The following SYCE2 variants were observed in gnomAD, a reference collection of about 807,000 sequenced individuals.
SYCE2 encodes synaptonemal complex central element protein 2, also known as central element synaptonemal complex 1.
SYCE2 carries 3 observed loss-of-function variants against 27.9 expected under a neutral mutation model. The observed-to-expected ratio is 0.11, with a 90% confidence interval of 0.05 to 0.28. The LOEUF (loss-of-function observed/expected upper bound fraction) is 0.28, where lower values mean the gene tolerates loss of function less well. Ranked by LOEUF, SYCE2 falls within the 10% of genes least tolerant of loss-of-function variation. The pLI is 1.00. For synonymous variants in SYCE2, 85 were observed against 100.7 expected, an observed-to-expected ratio of 0.84 and a Z score of 0.93; for missense variants, 207 against 263.5, an observed-to-expected ratio of 0.79 and a Z score of 1.48.
At chr19:12,909,121 C>T (rs1388053974) in intron 2 of SYCE2, among the ~76,000 whole-genome samples, 1 of 152,226 alleles carries the variant, frequency 6.6e-6, no homozygotes, top group African/African-American at 2.4e-5. Context: ...TGGCCTCCCA[C>T]TGTAGTCTGC....
At chr19:12,909,172 C>T (rs1207257017) in intron 2 of SYCE2, among the ~76,000 whole-genome samples, 1 of 152,182 alleles carries the variant, frequency 6.6e-6, no homozygotes, top group East Asian at 1.9e-4. Context: ...ATCTTCAGTA[C>T]TTACCCCTCA....
chr19:12,907,086 G>A (rs1039911484), intron 2 of SYCE2, among the ~76,000 whole-genome samples: 1 of 152,046 alleles, frequency 6.6e-6, no homozygotes, highest in African/African-American at 2.4e-5. Flanking sequence ...ATCAGTTAGC[G>A]GTTCTGGCCA....
intron 4 of SYCE2, 61 bp from the exon 5 acceptor site, chr19:12,900,181 A>G (rs1163601889): frequency 1.3e-6 from 2 of 1,550,082 alleles, no homozygotes; most frequent in East Asian, 4.5e-5. Flanking sequence ...GGCAGAGGGG[A>G]TGATTTCTGA....
chr19:12,900,442 CT>C lies in SYCE2; in HGVS notation c.495+17del, dbSNP rs766151933. ...TCCTCTTCCTCAGGCAGCGCCCCCC[CT>C]GTGAGTTTACTCATACCTCAGGCTG... On this transcript the variant is annotated intron_variant, in intron 4 of 5. Coordinates refer to ENST00000293695, the MANE Select transcript of SYCE2 (RefSeq NM_001105578.2). 5.0e-6 allele frequency: 8 copies of C among 1,609,456 alleles called. No homozygotes were observed. The African/African-American group carries it at 8.0e-5, about 16-fold the overall frequency.
rs370559318 is a variant in SYCE2 at position 12,904,994 on chromosome 19, ACTC to A, written c.132-331_132-329del. Among the ~76,000 whole-genome samples the A allele has an allele frequency of 6.8e-3, 1,011 of 149,310 alleles. 7 individuals carry two copies. The highest frequency in any genetic ancestry group is 0.024 in the African/African-American group (966 of 39,896). ...ACTCCAGCCTGGGTGACAGAGCGAG[ACTC>A]CGTCTAAAAAAAAAAAAAGGACAGG... On this transcript the variant is annotated intron_variant, in intron 2 of 5. Transcript: ENST00000293695.
At chr19:12,907,768 G>A (rs539604598) in intron 2 of SYCE2, among the ~76,000 whole-genome samples, 1 of 151,942 alleles carries the variant, frequency 6.6e-6, no homozygotes, top group East Asian at 1.9e-4. Flanking sequence ...TCCAGCCTGG[G>A]CAACAGAGCG....
At chr19:12,915,053 G>A (rs1449877233) in intron 2 of SYCE2, among the ~76,000 whole-genome samples, 2 of 152,240 alleles carry the variant, frequency 1.3e-5, no homozygotes, top group African/African-American at 4.8e-5. Context: ...TAGCAGTGCT[G>A]CTCATAATAG....
chr19:12,904,774 G>A, intron 2 of SYCE2, 108 bp from the exon 3 acceptor site: 6 of 1,302,012 alleles, frequency 4.6e-6, no homozygotes, highest in Non-Finnish European at 5.3e-6. Context: ...GCCGAGGTGG[G>A]CGGATCACAA....
At chr19:12,906,585 G>A (rs2145970447) in intron 2 of SYCE2, among the ~76,000 whole-genome samples, 2 of 152,256 alleles carry the variant, frequency 1.3e-5, no homozygotes, top group South Asian at 4.1e-4. Context: ...CATATAGATT[G>A]CTCTGCCAAG....
Position 12,900,477 on chromosome 19 carries a change from G to A in SYCE2, c.478C>T (p.Leu160=). 6.2e-7 allele frequency: 1 copy of A among 1,613,764 alleles called. No individual in the cohort carries two copies. Among genetic ancestry groups the A allele is most frequent in the South Asian group, 1.1e-5 (1 of 91,040 alleles). Residue 160 remains leucine (L), a synonymous_variant, in exon 4 of 6, where the codon CTG becomes TTG. Coordinates refer to ENST00000293695, the MANE Select transcript of SYCE2 (RefSeq NM_001105578.2). Reference sequence around the variant, plus strand: ...ACTCATACCTCAGGCTGGAGACACAGGTCTTTGTACACAGTCTCCACGCTG... The same window carrying A: ...ACTCATACCTCAGGCTGGAGACACAAGTCTTTGTACACAGTCTCCACGCTG... ...CHSVETVYKD[L]CLQPEQSLRL... is the part of the protein sequence containing the mutation.
At chr19:12,900,294 G>A (rs1178947507) in intron 4 of SYCE2, 166 bp downstream of exon 4, 3 of 1,049,320 alleles carry the variant, frequency 2.9e-6, no homozygotes, top group Non-Finnish European at 2.7e-6. Context: ...GACACACCAT[G>A]TTATAGGGGA....
At chr19:12,899,873 C>T (rs869025298) in intron 5 of SYCE2, 131 bp downstream of exon 5, 52 of 1,590,638 alleles carry the variant, frequency 3.3e-5, no homozygotes, top group Non-Finnish European at 4.5e-5. Context: ...ACACTGAGTT[C>T]ACAGTGCGCC....
Position 12,919,279 on chromosome 19 carries a change from G to T in SYCE2, c.-22C>A, listed in dbSNP as rs1052590409. 1.1e-5 allele frequency: 17 copies of T among 1,609,442 alleles called. No individual in the cohort carries two copies. Among genetic ancestry groups the T allele is most frequent in the African/African-American group, 2.7e-5 (2 of 74,952 alleles). The stretch of plus-strand genomic sequence containing the variant: ...CCATTCCGTATTTTCCCGCCTTCAA[G>T]CTCGCACCCTCTGCGCATGCGCCGA... On this transcript the variant is annotated 5_prime_UTR_variant, in exon 1 of 6. Coordinates refer to ENST00000293695, the MANE Select transcript of SYCE2 (RefSeq NM_001105578.2).
intron 3 of SYCE2, among the ~76,000 whole-genome samples, chr19:12,902,103 G>A (rs1970851714): frequency 1.3e-5 from 2 of 152,130 alleles, no homozygotes; most frequent in Admixed American, 6.5e-5. Context: ...AGTGCCTACA[G>A]TATTCAGTAT....
rs368719837 is a variant in SYCE2, at chr19:12,902,073, ATACT to A, written c.307-1429_307-1426del. ...TGTTTATATATATTTAGATACACAAATACTTACCATCATGTTATAAGTGCCTACA... is the reference window on the plus strand; with the variant it reads ...TGTTTATATATATTTAGATACACAAATACCATCATGTTATAAGTGCCTACA... On this transcript the variant is annotated intron_variant, in intron 3 of 5. Transcript: ENST00000293695. Among the ~76,000 whole-genome samples the A allele has an allele frequency of 1.4e-4, 21 of 152,322 alleles. No individual in the cohort carries two copies. In the East Asian group the frequency reaches 3.3e-3, roughly 24 times the overall value.
intron 2 of SYCE2, among the ~76,000 whole-genome samples, chr19:12,916,849 A>C (rs1453741961): frequency 6.6e-6 from 1 of 151,928 alleles, no homozygotes; most frequent in Non-Finnish European, 1.5e-5. Flanking sequence ...TCCTGGGCTC[A>C]AGGGATCCTC....
intron 2 of SYCE2, among the ~76,000 whole-genome samples, chr19:12,914,713 G>A (rs984360183): frequency 1.3e-5 from 2 of 152,130 alleles, no homozygotes; most frequent in East Asian, 1.9e-4. Flanking sequence ...AGGTTCAAGC[G>A]ATTCTCCTGC....
chr19:12,901,376 C>CAAA (rs901502164), intron 3 of SYCE2, among the ~76,000 whole-genome samples: 2 of 120,146 alleles, frequency 1.7e-5, no homozygotes, highest in Admixed American at 8.6e-5. Flanking sequence ...AACTCCGTCT[C>CAAA]AAAAAAAAAA....
At chr19:12,910,822 C>T (rs926522897) in intron 2 of SYCE2, among the ~76,000 whole-genome samples, 26 of 151,864 alleles carry the variant, frequency 1.7e-4, no homozygotes, top group Non-Finnish European at 1.3e-4. Context: ...GGACTACAGG[C>T]GCCCGCCACC....
Sources: gnomAD v4.1 joint callset for allele counts (sites outside exome capture counted in the v4.1 genomes callset) on GRCh38, gnomAD v4.1.1 for gene constraint, MANE v1.5 for transcripts, NCBI Gene and HGNC (gene_info 2026-07-23, HGNC 2026-07-21) for gene names.